ARHGAP39: variants seen among roughly 807,000 people sequenced by gnomAD.
ARHGAP39 encodes rho GTPase-activating protein 39.
Under a neutral mutation model 106.9 loss-of-function variants are expected in ARHGAP39, and 44 were observed. The ratio of observed to expected loss-of-function variants is 0.41; its 90% confidence interval spans 0.32 to 0.53. The LOEUF (loss-of-function observed/expected upper bound fraction) is 0.53, where lower values mean the gene tolerates loss of function less well. Among genes scored for constraint, ARHGAP39 ranks in the 20% least tolerant of loss-of-function variants. The pLI, the probability that ARHGAP39 is intolerant of heterozygous loss-of-function variation, is 0.21. For missense variants in ARHGAP39, 1,496 were observed against 1,577.3 expected, an observed-to-expected ratio of 0.95 and a Z score of 0.87; for synonymous variants, 768 against 693.2, an observed-to-expected ratio of 1.11 and a Z score of -1.69.
chr8:144,561,560 G>A (rs148978445), intron 3 of ARHGAP39, among the ~76,000 whole-genome samples: 5 of 113,462 alleles, frequency 4.4e-5, no homozygotes, highest in African/African-American at 6.8e-5. Flanking sequence ...CAGTGGTTTC[G>A]ATCGGACCCC....
Position 144,547,988 on chromosome 8 carries a change from C to G in ARHGAP39, c.1098G>C (p.Ser366=), listed in dbSNP as rs539352496. The G allele has an allele frequency of 6.2e-7, 1 of 1,609,456 alleles. No individual in the cohort carries two copies. The highest frequency in any genetic ancestry group is 1.1e-5 in the South Asian group (1 of 90,816). The change falls in exon 5 of 12, where the codon TCG becomes TCC. Residue 366 remains serine (S), a synonymous_variant. Coordinates refer to ENST00000377307, the MANE Select transcript of ARHGAP39 (RefSeq NM_025251.3). This position sits in a 1 kb window ranked among gnomAD's most constrained non-coding sequence, Gnocchi z 5.2. Reference sequence around the variant, plus strand: ...TGGTGAGCACCAGCTGCTGGCAGGGCGAGGGGGGGCCCTGCTTGTTGGGCT... The same window carrying G: ...TGGTGAGCACCAGCTGCTGGCAGGGGGAGGGGGGGCCCTGCTTGTTGGGCT... ...FLQPNKQGPP[S]PCQQLVLTKQ...
intron 3 of ARHGAP39, among the ~76,000 whole-genome samples, chr8:144,568,544 T>C (rs747585802): frequency 6.6e-6 from 1 of 152,120 alleles, no homozygotes. Flanking sequence ...GTAGAAATGT[T>C]TGCTTAGTAT....
chr8:144,660,713 C>T (rs1436351669), intron 1 of ARHGAP39, among the ~76,000 whole-genome samples: 2 of 152,144 alleles, frequency 1.3e-5, no homozygotes, highest in East Asian at 3.8e-4. Flanking sequence ...GGGTGGGTGG[C>T]TCACCCCTAT....
chr8:144,547,507 G>T lies in ARHGAP39; in HGVS notation c.1579C>A (p.Pro527Thr). The T allele has an allele frequency of 6.7e-7, 1 of 1,498,372 alleles. No individual in the cohort carries two copies. The highest frequency in any genetic ancestry group is 8.9e-7 in the Non-Finnish European group (1 of 1,127,576). 92.8% of individuals were successfully genotyped at this position (1,498,372 alleles called of 1,614,324 possible). The stretch of plus-strand genomic sequence containing the variant: ...GGGGCGAGGCTGGTCCCGCACGGGG[G>T]CTGTTCCTCGGCCAGGGGCTGCTCC... ...LVEQPLAEEQ[P>T]PCGTSLAPVK... The change falls in exon 5 of 12, where the codon CCC (proline) becomes ACC (threonine). Residue 527 changes from proline to threonine, a missense_variant. Coordinates refer to ENST00000377307, the MANE Select transcript of ARHGAP39 (RefSeq NM_025251.3). The surrounding 1 kb of genome is among the most constrained non-coding windows in gnomAD (Gnocchi z 5.2).
rs541712945 is a variant in ARHGAP39, at chr8:144,591,225, T to C, written c.81-9948A>G. On this transcript the variant is annotated intron_variant, in intron 2 of 11. Coordinates refer to ENST00000377307, the MANE Select transcript of ARHGAP39 (RefSeq NM_025251.3). The surrounding 1 kb of genome is among the most constrained non-coding windows in gnomAD (Gnocchi z 5.3). ...TCCCCAGCCGGAGCCTGGACCCCAA[T>C]GGACAGCTGCTCTGTGCTCCCGTGA... Among the ~76,000 whole-genome samples the C allele has an allele frequency of 6.6e-6, 1 of 152,178 alleles. No individual in the cohort carries two copies. The highest frequency in any genetic ancestry group is 6.5e-5 in the Admixed American group (1 of 15,290).
chr8:144,559,354 C>CAAAAAAAAAAAAAAAA (rs59435627), intron 3 of ARHGAP39, among the ~76,000 whole-genome samples: 1 of 42,896 alleles, frequency 2.3e-5, no homozygotes, highest in East Asian at 7.7e-4. Context: ...ACTTTGTCTC[C>CAAAAAAAAAAAAAAAA]AAAAAAAAAA....
At chr8:144,696,025 A>C in the ARHGAP39 span, among the ~76,000 whole-genome samples, 1 of 152,194 alleles carries the variant, frequency 6.6e-6, no homozygotes, top group African/African-American at 2.4e-5. Flanking sequence ...TAAAGGAAAG[A>C]GGGAGAGTCT....
chr8:144,617,073 G>A (rs1363418463), intron 1 of ARHGAP39, among the ~76,000 whole-genome samples: 2 of 152,062 alleles, frequency 1.3e-5, no homozygotes, highest in African/African-American at 4.8e-5. Context: ...GGGAATGATG[G>A]CACATGGCCT....
At chr8:144,555,917 A>ATTC (rs1248587792) in intron 3 of ARHGAP39, among the ~76,000 whole-genome samples, 2 of 152,352 alleles carry the variant, frequency 1.3e-5, no homozygotes, top group East Asian at 3.9e-4. Flanking sequence ...TTCTAAGGGC[A>ATTC]TAGAGATGGG....
At chr8:144,602,684 G>T (rs1376063173) in intron 2 of ARHGAP39, among the ~76,000 whole-genome samples, 2 of 135,374 alleles carry the variant, frequency 1.5e-5, no homozygotes, top group African/African-American at 5.6e-5. Context: ...GCGAGCTCGT[G>T]TACCTGTGTG....
At position 144,684,677 on chromosome 8, in the gene ARHGAP39, C is replaced by G. The variant is rs1328821551; in HGVS notation, c.-82+1009G>C. Among the ~76,000 whole-genome samples, 1 of 152,248 alleles carries G rather than the reference C, an allele frequency of 6.6e-6. No individual in the cohort carries two copies. On this transcript the variant is annotated intron_variant, in intron 1 of 11. Coordinates refer to ENST00000377307, the MANE Select transcript of ARHGAP39 (RefSeq NM_025251.3). This position sits in a 1 kb window ranked among gnomAD's most constrained non-coding sequence, Gnocchi z 4.4. Reference sequence around the variant, plus strand: ...GGGCCCCAAAATGCACAGCCCGCCTCTCTCGCCGCCCTGGGCACGGAACGC... The same window carrying G: ...GGGCCCCAAAATGCACAGCCCGCCTGTCTCGCCGCCCTGGGCACGGAACGC...
intron 1 of ARHGAP39, among the ~76,000 whole-genome samples, chr8:144,674,495 G>A (rs768192874): frequency 6.6e-6 from 1 of 152,216 alleles, no homozygotes; most frequent in South Asian, 2.1e-4. Context: ...TGTGCTGAAT[G>A]GTTCACGGGT....
intron 1 of ARHGAP39, among the ~76,000 whole-genome samples, chr8:144,681,281 G>A (rs144309205): frequency 1.3e-5 from 2 of 152,286 alleles, no homozygotes; most frequent in East Asian, 1.9e-4. Flanking sequence ...GAAAGGTAAC[G>A]AGAAGGGACA....
At chr8:144,635,844 T>C (rs1197899915) in intron 1 of ARHGAP39, among the ~76,000 whole-genome samples, 3 of 129,532 alleles carry the variant, frequency 2.3e-5, no homozygotes, top group Non-Finnish European at 4.9e-5. Flanking sequence ...GGGACTGAAT[T>C]AGAGGGGGGC....
At chr8:144,695,762 G>A in the ARHGAP39 span, among the ~76,000 whole-genome samples, 1 of 152,228 alleles carries the variant, frequency 6.6e-6, no homozygotes, top group South Asian at 2.1e-4. Flanking sequence ...AGTTCTAGGT[G>A]CAGGGGCTTA....
intron 2 of ARHGAP39, among the ~76,000 whole-genome samples, chr8:144,588,728 G>A (rs190805385): frequency 0.02 from 2,979 of 152,342 alleles, 73 homozygotes; most frequent in Admixed American, 0.064. Flanking sequence ...ACGGCGGCAC[G>A]GGGGAACACA....
chr8:144,656,310 T>C (rs1189618203), intron 1 of ARHGAP39, among the ~76,000 whole-genome samples: 1 of 151,294 alleles, frequency 6.6e-6, no homozygotes, highest in Admixed American at 6.6e-5. Flanking sequence ...CTGCTCAACA[T>C]AGCGAGACCC....
At chr8:144,607,292 G>A (rs1354030056) in intron 1 of ARHGAP39, among the ~76,000 whole-genome samples, 1 of 150,318 alleles carries the variant, frequency 6.7e-6, no homozygotes, top group African/African-American at 2.5e-5. Flanking sequence ...GAGTACAGTT[G>A]CCTTTCCTGA....
In ARHGAP39 at chr8:144,591,064, C is replaced by T. The variant is rs1775199326; in HGVS notation, c.81-9787G>A. Among the ~76,000 whole-genome samples, 1 of 152,222 alleles carries T rather than the reference C, an allele frequency of 6.6e-6. No individual in the cohort carries two copies. The highest frequency in any genetic ancestry group is 1.5e-5 in the Non-Finnish European group (1 of 68,038). On this transcript the variant is annotated intron_variant, in intron 2 of 11. Transcript: ENST00000377307. This position sits in a 1 kb window ranked among gnomAD's most constrained non-coding sequence, Gnocchi z 5.3. ...TGGCAAAGCCCCCATCCCCCTGGTC[C>T]ACTCCTCAGCCTGGCCGGTCTCTGT...
Sources: allele counts gnomAD v4.1 joint callset (sites outside exome capture counted in the v4.1 genomes callset), GRCh38; gene constraint gnomAD v4.1.1; non-coding constraint Gnocchi (gnomAD v3.1); transcripts MANE v1.5; gene names NCBI Gene and HGNC (gene_info 2026-07-23, HGNC 2026-07-21).